The following ZBTB20 variants were observed in gnomAD, a reference collection of about 807,000 sequenced individuals.
The protein encoded by ZBTB20 is zinc finger and BTB domain-containing protein 20.
A neutral mutation model predicts 56.9 loss-of-function variants in ZBTB20; 9 were observed. The observed-to-expected ratio is 0.16, with a 90% CI of 0.10 to 0.28. The LOEUF is 0.28. Ranked by LOEUF, ZBTB20 falls within the 10% of genes least tolerant of loss-of-function variation. The probability of loss-of-function intolerance (pLI) is 1.00; values close to 1 mark genes in which losing one functional copy is unlikely to be tolerated. For synonymous variants in ZBTB20, 417 were observed against 420.7 expected (o/e 0.99, Z 0.11); for missense variants, 655 against 1,003.0 (o/e 0.65, Z 4.69).
At chr3:115,142,456 A>T (rs962648395) in intron 1 of ZBTB20, among the ~76,000 whole-genome samples, 2 of 152,068 alleles carry the variant, frequency 1.3e-5, no homozygotes, top group South Asian at 4.2e-4. Context: ...AGGTCAGGAG[A>T]TCAAGACCAT....
At chr3:114,522,271 C>T (rs564724368) in intron 6 of ZBTB20, among the ~76,000 whole-genome samples, 20 of 152,058 alleles carry the variant, frequency 1.3e-4, no homozygotes, top group Middle Eastern at 3.4e-3. Flanking sequence ...ACATTTAAGG[C>T]GGTCAGAAAA....
intron 5 of ZBTB20, chr3:114,710,240 T>A (rs1417258794): frequency 1.3e-5 from 2 of 152,208 alleles, no homozygotes; most frequent in Non-Finnish European, 2.9e-5. Flanking sequence ...ATGTTCATCA[T>A]CATATAATAT....
At chr3:114,353,003 A>T in intron 10 of ZBTB20, among the ~76,000 whole-genome samples, 1 of 152,200 alleles carries the variant, frequency 6.6e-6, no homozygotes, top group East Asian at 1.9e-4. Flanking sequence ...GATACTATTG[A>T]TAAGATTTGG....
intron 3 of ZBTB20, among the ~76,000 whole-genome samples, chr3:114,955,572 A>G (rs527906513): frequency 1.3e-5 from 2 of 152,290 alleles, no homozygotes; most frequent in East Asian, 3.9e-4. Flanking sequence ...TCATCATCTT[A>G]GCTCTAGTAC....
At chr3:114,821,995 A>T (rs1176595592) in intron 4 of ZBTB20, among the ~76,000 whole-genome samples, 1 of 152,118 alleles carries the variant, frequency 6.6e-6, no homozygotes, top group African/African-American at 2.4e-5. Context: ...AACTGGGGCT[A>T]TTCTAATGTA....
chr3:115,008,499 C>T (rs761915115), intron 2 of ZBTB20, among the ~76,000 whole-genome samples: 5 of 151,832 alleles, frequency 3.3e-5, no homozygotes, highest in African/African-American at 1.2e-4. Flanking sequence ...ACATAAAGAA[C>T]ATCTTTTTGT....
At chr3:114,456,349 C>T (rs1559813818) in intron 7 of ZBTB20, among the ~76,000 whole-genome samples, 1 of 152,052 alleles carries the variant, frequency 6.6e-6, no homozygotes, top group African/African-American at 2.4e-5. Flanking sequence ...GTCACATTTT[C>T]AAGCTAATGA....
intron 4 of ZBTB20, among the ~76,000 whole-genome samples, chr3:114,813,892 C>A (rs1560280740): frequency 6.6e-6 from 1 of 152,086 alleles, no homozygotes; most frequent in Non-Finnish European, 1.5e-5. Context: ...TGGTCCAAAT[C>A]TTTTAAAAAT....
intron 3 of ZBTB20, among the ~76,000 whole-genome samples, chr3:114,908,987 A>T (rs917035439): frequency 6.6e-6 from 1 of 152,008 alleles, no homozygotes; most frequent in Non-Finnish European, 1.5e-5. Context: ...AAGAATGAAA[A>T]AAAATAAAGA....
intron 4 of ZBTB20, among the ~76,000 whole-genome samples, chr3:114,844,845 C>G (rs2074607599): frequency 7.6e-6 from 1 of 132,172 alleles, no homozygotes; most frequent in Non-Finnish European, 1.6e-5. Context: ...CATCATATAC[C>G]ATCTTTTTCT....
At chr3:114,786,216 A>C (rs1293126263) in intron 5 of ZBTB20, among the ~76,000 whole-genome samples, 1 of 152,002 alleles carries the variant, frequency 6.6e-6, no homozygotes, top group Non-Finnish European at 1.5e-5. Flanking sequence ...ATAGGTATAC[A>C]CGTGCCATGG....
intron 4 of ZBTB20, among the ~76,000 whole-genome samples, chr3:114,848,894 T>C (rs1437853708): frequency 6.6e-6 from 1 of 152,208 alleles, no homozygotes; most frequent in Non-Finnish European, 1.5e-5. Flanking sequence ...AGCAGGATAA[T>C]GTGCTACTAT....
chr3:114,612,500 C>T (rs562783470), intron 6 of ZBTB20, among the ~76,000 whole-genome samples: 3 of 152,068 alleles, frequency 2.0e-5, no homozygotes, highest in South Asian at 2.1e-4. Context: ...TTTTCTCCAT[C>T]GTTTTATTAA....
intron 2 of ZBTB20, among the ~76,000 whole-genome samples, chr3:114,988,775 T>A (rs1396361505): frequency 6.6e-6 from 1 of 152,180 alleles, no homozygotes; most frequent in Non-Finnish European, 1.5e-5. Context: ...GTTTCCTGAC[T>A]TTTTAATGAT....
At chr3:114,888,492 C>A (rs2107618092) in intron 4 of ZBTB20, among the ~76,000 whole-genome samples, 1 of 152,200 alleles carries the variant, frequency 6.6e-6, no homozygotes. Flanking sequence ...CAAAAGTATA[C>A]TGGAAATTAC....
At chr3:114,487,272 C>T (rs1046358607) in intron 7 of ZBTB20, among the ~76,000 whole-genome samples, 2 of 152,134 alleles carry the variant, frequency 1.3e-5, no homozygotes, top group Admixed American at 6.5e-5. Context: ...AAGGGCACTG[C>T]TGGCAGCACT....
intron 4 of ZBTB20, among the ~76,000 whole-genome samples, chr3:114,881,164 A>C (rs1357512842): frequency 2.0e-5 from 3 of 152,084 alleles, no homozygotes; most frequent in Admixed American, 2.0e-4. Context: ...ATGTTCTTTT[A>C]TTACTGAATA....
At chr3:114,950,967 T>C (rs1175148236) in intron 3 of ZBTB20, among the ~76,000 whole-genome samples, 2 of 152,142 alleles carry the variant, frequency 1.3e-5, no homozygotes, top group Non-Finnish European at 2.9e-5. Flanking sequence ...CATGATTCTA[T>C]TTCTATATTT....
chr3:114,797,034 T>C (rs1487357516), intron 5 of ZBTB20, among the ~76,000 whole-genome samples: 3 of 151,784 alleles, frequency 2.0e-5, no homozygotes, highest in Admixed American at 1.3e-4. Flanking sequence ...CTGGGGCAAA[T>C]TGCTTAACTC....
Sources: allele counts gnomAD v4.1 joint callset (sites outside exome capture counted in the v4.1 genomes callset), GRCh38; gene constraint gnomAD v4.1.1; transcripts MANE v1.5; gene names NCBI Gene and HGNC (gene_info 2026-07-23, HGNC 2026-07-21).